ANKRD11: variants seen among roughly 807,000 people sequenced by gnomAD.
The protein encoded by ANKRD11 is ankyrin repeat domain 11, also known as ankyrin repeat domain-containing protein 11.
A neutral mutation model predicts 195.7 loss-of-function variants in ANKRD11; 17 were observed. The ratio of observed to expected loss-of-function variants is 0.09; its 90% CI spans 0.06 to 0.13. ANKRD11 has a LOEUF of 0.13. Among genes scored for constraint, ANKRD11 ranks in the 10% least tolerant of loss-of-function variants. The pLI, the probability that ANKRD11 is intolerant of heterozygous loss-of-function variation, is 1.00. For synonymous variants in ANKRD11, 1,953 were observed against 1,528.1 expected, an observed-to-expected ratio of 1.28 and a Z score of -6.49; for missense variants, 3,735 against 3,566.1, an observed-to-expected ratio of 1.05 and a Z score of -1.21.
chr16:89,273,044 C>CAAAAAAAA (rs56277527), intron 11 of ANKRD11: 2 of 96,018 alleles, frequency 2.1e-5, no homozygotes, highest in African/African-American at 4.4e-5. Flanking sequence ...TAATGGGTAC[C>CAAAAAAAA]AAAAAAAAAA....
chr16:89,383,640 C>T (rs932298377), intron 2 of ANKRD11, among the ~76,000 whole-genome samples: 26 of 151,774 alleles, frequency 1.7e-4, no homozygotes, highest in African/African-American at 6.3e-4. Context: ...GGACCAGCAA[C>T]GCAGCAGACG....
At chr16:89,345,435 C>T (rs1203032360) in intron 2 of ANKRD11, among the ~76,000 whole-genome samples, 1 of 152,172 alleles carries the variant, frequency 6.6e-6, no homozygotes, top group Non-Finnish European at 1.5e-5. Flanking sequence ...GAGGCAGTCC[C>T]GTCCATTCCT....
intron 3 of ANKRD11, among the ~76,000 whole-genome samples, chr16:89,305,813 A>G (rs2036178534): frequency 7.6e-6 from 1 of 131,752 alleles, no homozygotes; most frequent in Non-Finnish European, 1.6e-5. Context: ...CTCCGCAGAC[A>G]TGCGCCACTT....
chr16:89,470,171 G>A (rs549681763), intron 1 of ANKRD11, among the ~76,000 whole-genome samples: 108 of 152,068 alleles, frequency 7.1e-4, no homozygotes, highest in Non-Finnish European at 1.3e-3. Context: ...CTCCCAAAGC[G>A]CTGGGATTAC....
chr16:89,397,276 C>T (rs2041481234), intron 2 of ANKRD11, among the ~76,000 whole-genome samples: 1 of 152,210 alleles, frequency 6.6e-6, no homozygotes, highest in Non-Finnish European at 1.5e-5. Flanking sequence ...AGGACAGACA[C>T]CAGCCAAGAA....
chr16:89,322,459 GAT>G (rs1379379485), intron 2 of ANKRD11, among the ~76,000 whole-genome samples: 7 of 152,234 alleles, frequency 4.6e-5, no homozygotes, highest in Non-Finnish European at 8.8e-5. Context: ...CCTGAGAAGG[GAT>G]GTGATTCAGC....
intron 1 of ANKRD11, among the ~76,000 whole-genome samples, chr16:89,450,014 C>T (rs1278103596): frequency 6.6e-6 from 1 of 152,172 alleles, no homozygotes; most frequent in African/African-American, 2.4e-5. Flanking sequence ...CACTTTATCT[C>T]ACAACAGGAA....
At chr16:89,479,173 G>C (rs1317840449) in intron 1 of ANKRD11, among the ~76,000 whole-genome samples, 2 of 151,968 alleles carry the variant, frequency 1.3e-5, no homozygotes, top group Non-Finnish European at 2.9e-5. Flanking sequence ...TGAAGATTCA[G>C]GTGACAGTTA....
intron 4 of ANKRD11, among the ~76,000 whole-genome samples, chr16:89,295,119 G>A (rs964569860): frequency 2.6e-5 from 4 of 152,222 alleles, no homozygotes; most frequent in African/African-American, 9.6e-5. Context: ...AGACAGATGT[G>A]GCCCTGGGTG....
intron 12 of ANKRD11, among the ~76,000 whole-genome samples, chr16:89,269,167 C>T (rs906893331): frequency 3.9e-5 from 6 of 152,038 alleles, no homozygotes; most frequent in Admixed American, 2.0e-4. Flanking sequence ...CACAAGCAAC[C>T]GTGTAGAGAA....
chr16:89,305,523 C>T (rs1381520412), intron 3 of ANKRD11, among the ~76,000 whole-genome samples, 179 bp from the exon 4 acceptor site: 2 of 152,108 alleles, frequency 1.3e-5, no homozygotes, highest in East Asian at 3.9e-4. Context: ...CACCCAGAAG[C>T]CCGGGGTCGG....
intron 1 of ANKRD11, among the ~76,000 whole-genome samples, chr16:89,462,918 C>G (rs2056740778): frequency 6.6e-6 from 1 of 151,474 alleles, no homozygotes; most frequent in Non-Finnish European, 1.5e-5. Flanking sequence ...GCCCCCCGCC[C>G]AGCTGCCCCG....
At position 89,280,634 on chromosome 16, in the gene ANKRD11, G is replaced by A. The variant is rs202044071; in HGVS notation, c.5908C>T (p.Pro1970Ser). The A allele has an allele frequency of 4.3e-5, 69 of 1,613,396 alleles. No homozygotes were observed. Among genetic ancestry groups the A allele is most frequent in the Non-Finnish European group, 5.7e-5 (67 of 1,179,956 alleles). Residue 1970 changes from proline to serine, a missense_variant, in exon 9 of 13, where the codon CCT (proline) becomes TCT (serine). By Grantham distance (74) the Pro-to-Ser change is moderately conservative. Coordinates refer to ENST00000301030, the MANE Select transcript of ANKRD11 (RefSeq NM_013275.6). ...SSLIGGTSEN[P>S]VSWPVGSDLL... ...TCCGAGCCCACAGGCCAGCTCACAG[G>A]GTTTTCAGAGGTGCCCCCGATCAGG...
intron 2 of ANKRD11, among the ~76,000 whole-genome samples, chr16:89,321,835 C>A (rs2037346898): frequency 6.6e-6 from 1 of 152,210 alleles, no homozygotes; most frequent in African/African-American, 2.4e-5. Context: ...TTTTCTTCCA[C>A]CTCTGCCTCT....
In ANKRD11 at chr16:89,281,479, A is replaced by C. The variant is rs1021246983; in HGVS notation, c.5063T>G (p.Val1688Gly). ...DWLAGPHMKE[V>G]LPASPRPDQS... is the part of the protein sequence containing the mutation. Reference sequence around the variant, plus strand: ...GTCAGGCCTGGGGGACGCAGGCAGGACCTCTTTCATGTGAGGGCCTGCCAG... The same window carrying C: ...GTCAGGCCTGGGGGACGCAGGCAGGCCCTCTTTCATGTGAGGGCCTGCCAG... The change falls in exon 9 of 13, where the codon GTC becomes GGC. Residue 1688 changes from valine to glycine, a missense_variant. Val to Gly is a moderately radical substitution (Grantham distance 109). Coordinates refer to ENST00000301030, the MANE Select transcript of ANKRD11 (RefSeq NM_013275.6). This position sits in a 1 kb window ranked among gnomAD's most constrained non-coding sequence, Gnocchi z 5.5. The C allele has an allele frequency of 2.5e-6, 4 of 1,613,546 alleles. No individual in the cohort carries two copies. Among genetic ancestry groups the C allele is most frequent in the Non-Finnish European group, 3.4e-6 (4 of 1,179,850 alleles).
chr16:89,483,728 T>C (rs944199799), intron 1 of ANKRD11, among the ~76,000 whole-genome samples: 4 of 150,660 alleles, frequency 2.7e-5, no homozygotes, highest in Non-Finnish European at 4.4e-5. Context: ...CTCGGGAAGA[T>C]GAGGTAGGAG....
chr16:89,444,223 T>G (rs767963954), intron 1 of ANKRD11, among the ~76,000 whole-genome samples: 11 of 151,676 alleles, frequency 7.3e-5, no homozygotes, highest in Non-Finnish European at 1.2e-4. Context: ...GAAACAACAC[T>G]CTGTATGCCC....
intron 2 of ANKRD11, among the ~76,000 whole-genome samples, chr16:89,328,333 G>A (rs2037845113): frequency 1.3e-5 from 2 of 152,184 alleles, no homozygotes; most frequent in South Asian, 4.1e-4. Flanking sequence ...CTCAACAACT[G>A]CACCCCAGGA....
intron 1 of ANKRD11, among the ~76,000 whole-genome samples, chr16:89,428,398 C>A (rs544328977): frequency 2.0e-3 from 307 of 151,924 alleles, no homozygotes; most frequent in Middle Eastern, 3.4e-3. Context: ...TGGTGGCGGG[C>A]GCCTATAGTC....
Sources: allele counts gnomAD v4.1 joint callset (sites outside exome capture counted in the v4.1 genomes callset), GRCh38; gene constraint gnomAD v4.1.1; non-coding constraint Gnocchi (gnomAD v3.1); transcripts MANE v1.5; gene names NCBI Gene and HGNC (gene_info 2026-07-23, HGNC 2026-07-21).